Variants in PEAK1 observed in about 807,000 individuals in gnomAD.
The protein encoded by PEAK1 is inactive tyrosine-protein kinase PEAK1.
Under a neutral mutation model 124.7 loss-of-function variants are expected in PEAK1, and 54 were observed. The ratio of observed to expected loss-of-function variants is 0.43; its 90% CI spans 0.35 to 0.54. The LOEUF (loss-of-function observed/expected upper bound fraction) is 0.54. Among genes scored for constraint, PEAK1 ranks in the 20% least tolerant of loss-of-function variants. PEAK1 has a pLI of 0.01. For missense variants in PEAK1, 2,046 were observed against 2,134.5 expected, an observed-to-expected ratio of 0.96 and a Z score of 0.82; for synonymous variants, 719 against 760.0, an observed-to-expected ratio of 0.95 and a Z score of 0.89.
intron 6 of PEAK1, among the ~76,000 whole-genome samples, chr15:77,218,958 T>C (rs2059265683): frequency 6.6e-6 from 1 of 152,088 alleles, no homozygotes; most frequent in Non-Finnish European, 1.5e-5. Context: ...AGAAATCATA[T>C]GAACAGTGAG....
chr15:77,156,884 A>G (rs1326369468), intron 8 of PEAK1: 1 of 152,194 alleles, frequency 6.6e-6, no homozygotes, highest in Non-Finnish European at 1.5e-5. Context: ...AAATAATGGG[A>G]AAAGTCCAAT....
intron 2 of PEAK1, among the ~76,000 whole-genome samples, chr15:77,357,396 C>T (rs1032147281): frequency 1.6e-4 from 25 of 152,284 alleles, no homozygotes; most frequent in African/African-American, 4.8e-4. Context: ...CCTCAGCCTC[C>T]CAAGTAGCTG....
chr15:77,376,515 G>A (rs932383026), intron 1 of PEAK1, among the ~76,000 whole-genome samples: 5 of 152,122 alleles, frequency 3.3e-5, no homozygotes, highest in Admixed American at 2.0e-4. Flanking sequence ...CCTAAGAGAA[G>A]GTCTAACATC....
chr15:77,243,196 TGCAAATATTAA>T (rs1373220970), intron 6 of PEAK1, among the ~76,000 whole-genome samples: 1 of 152,204 alleles, frequency 6.6e-6, no homozygotes, highest in Non-Finnish European at 1.5e-5. Flanking sequence ...GCTAGATTCT[TGCAAATATTAA>T]GCAAATATAC....
At chr15:77,214,538 G>T (rs2152867209) in intron 6 of PEAK1, among the ~76,000 whole-genome samples, 1 of 151,382 alleles carries the variant, frequency 6.6e-6, no homozygotes, top group South Asian at 2.1e-4. Context: ...GCAGGAGAAT[G>T]GCGTGAACCC....
At chr15:77,203,049 A>G (rs1405527995) in intron 6 of PEAK1, among the ~76,000 whole-genome samples, 1 of 151,994 alleles carries the variant, frequency 6.6e-6, no homozygotes, top group Admixed American at 6.6e-5. Flanking sequence ...AAAAAAAAAA[A>G]AAAAAGAAAA....
At chr15:77,351,879 G>A (rs1187113875) in intron 2 of PEAK1, 32 of 985,280 alleles carry the variant, frequency 3.2e-5, no homozygotes, top group African/African-American at 3.5e-5. Context: ...GGACAGACCA[G>A]AAAGAATAAA....
At chr15:77,407,886 T>C (rs755666550) in intron 1 of PEAK1, among the ~76,000 whole-genome samples, 2 of 121,736 alleles carry the variant, frequency 1.6e-5, no homozygotes, top group Non-Finnish European at 3.7e-5. Flanking sequence ...AAGCATGATA[T>C]ATATATATAT....
At chr15:77,387,516 C>T (rs1350974757) in intron 1 of PEAK1, among the ~76,000 whole-genome samples, 2 of 152,312 alleles carry the variant, frequency 1.3e-5, no homozygotes, top group Non-Finnish European at 2.9e-5. Flanking sequence ...CCTTTTATGA[C>T]AACCCTAACT....
At chr15:77,359,208 C>T (rs969877227) in intron 2 of PEAK1, among the ~76,000 whole-genome samples, 4 of 151,998 alleles carry the variant, frequency 2.6e-5, no homozygotes, top group South Asian at 2.1e-4. Flanking sequence ...GAGGCTAAGG[C>T]GGGAGGATCA....
chr15:77,317,899 A>C (rs2064972885), intron 2 of PEAK1, among the ~76,000 whole-genome samples: 1 of 152,218 alleles, frequency 6.6e-6, no homozygotes, highest in Non-Finnish European at 1.5e-5. Flanking sequence ...CAAGGGAATC[A>C]TGTTGGGTGT....
At chr15:77,260,280 C>CA (rs2061373256) in intron 5 of PEAK1, among the ~76,000 whole-genome samples, 1 of 152,260 alleles carries the variant, frequency 6.6e-6, no homozygotes, top group East Asian at 1.9e-4. Context: ...AAATGCTTTT[C>CA]AGGAAGAAGT....
At chr15:77,326,120 A>G (rs568002451) in intron 2 of PEAK1, among the ~76,000 whole-genome samples, 2 of 152,206 alleles carry the variant, frequency 1.3e-5, no homozygotes, top group Admixed American at 1.3e-4. Flanking sequence ...AAGTCTCCCC[A>G]TTTGCTAAGC....
chr15:77,418,862 A>T, intron 1 of PEAK1: 3 of 985,436 alleles, frequency 3.0e-6, no homozygotes, highest in Non-Finnish European at 3.6e-6. Context: ...AACAAAAATC[A>T]GTAAGTAGGC....
At chr15:77,322,552 T>A (rs1191797267) in intron 2 of PEAK1, among the ~76,000 whole-genome samples, 1 of 152,024 alleles carries the variant, frequency 6.6e-6, no homozygotes, top group East Asian at 1.9e-4. Context: ...ATTCCTCAAC[T>A]CTTACACCCT....
intron 2 of PEAK1, among the ~76,000 whole-genome samples, chr15:77,288,242 AACTT>A (rs2063027813): frequency 6.6e-6 from 1 of 151,636 alleles, no homozygotes; most frequent in Non-Finnish European, 1.5e-5. Flanking sequence ...CTATCTCTTC[AACTT>A]TATTTCCTAT....
chr15:77,341,243 C>T (rs565840907), intron 2 of PEAK1, among the ~76,000 whole-genome samples: 6 of 152,142 alleles, frequency 3.9e-5, no homozygotes, highest in Admixed American at 1.3e-4. Flanking sequence ...TGGCTCACAC[C>T]GCCTGTAATC....
chr15:77,413,412 T>A (rs960595758), intron 1 of PEAK1, among the ~76,000 whole-genome samples: 1 of 152,088 alleles, frequency 6.6e-6, no homozygotes, highest in African/African-American at 2.4e-5. Flanking sequence ...TGCTCACAAG[T>A]GATAAATTAT....
chr15:77,312,931 C>A (rs1029703274), intron 2 of PEAK1, among the ~76,000 whole-genome samples: 2 of 152,150 alleles, frequency 1.3e-5, no homozygotes, highest in African/African-American at 4.8e-5. Context: ...AGCCAAAATA[C>A]ATTTAACATG....
Sources: allele counts gnomAD v4.1 joint callset (sites outside exome capture counted in the v4.1 genomes callset), GRCh38; gene constraint gnomAD v4.1.1; transcripts MANE v1.5; gene names NCBI Gene and HGNC (gene_info 2026-07-23, HGNC 2026-07-21).